The following TRANK1 variants were observed in gnomAD, a reference collection of about 807,000 sequenced individuals.
The protein encoded by TRANK1 is tetratricopeptide repeat and ankyrin repeat containing 1, also known as TPR and ankyrin repeat-containing protein 1.
A neutral mutation model predicts 266.0 loss-of-function variants in TRANK1; 198 were observed. That is an observed-to-expected ratio of 0.74 (90% confidence interval 0.66 to 0.84). The LOEUF is 0.84. TRANK1 is among the 40% of genes least tolerant of loss of function. TRANK1 has a pLI of 0.00. For missense variants in TRANK1, 3,326 were observed against 3,634.6 expected (o/e 0.92, Z 2.18); for synonymous variants, 1,396 against 1,384.1 (o/e 1.01, Z -0.19).
Position 36,833,824 on chromosome 3 carries a change from C to T in TRANK1, c.5759G>A (p.Ser1920Asn), listed in dbSNP as rs1416144467. 1.2e-6 allele frequency: 2 copies of T among 1,614,018 alleles called. No homozygotes were observed. The highest frequency in any genetic ancestry group is 1.7e-6 in the Non-Finnish European group (2 of 1,179,906). ...CATCATTTCCTTCATCTTATTTGCA[C>T]TCAGATACTTTGCTGCAGCTTCCAA... ...FYLEAAAKYL[S>N]ANKMKEMMAV... Residue 1920 changes from serine to asparagine, a missense_variant, in exon 22 of 24, where the codon AGT (serine) becomes AAT (asparagine). Ser to Asn is a conservative substitution (Grantham distance 46, BLOSUM62 1). Coordinates refer to ENST00000645898, the MANE Select transcript of TRANK1 (RefSeq NM_001329998.2).
intron 1 of TRANK1, among the ~76,000 whole-genome samples, chr3:36,938,164 GC>G (rs1431105049): frequency 1.3e-5 from 2 of 152,156 alleles, no homozygotes; most frequent in Non-Finnish European, 2.9e-5. Context: ...CCCCTTAACA[GC>G]ACTGGGAGAA....
In TRANK1 at chr3:36,855,200, G is replaced by A; in HGVS notation, c.4522C>T (p.Leu1508=). 1 of 1,612,918 alleles carries A rather than the reference G, an allele frequency of 6.2e-7. No individual in the cohort carries two copies. Among genetic ancestry groups the A allele is most frequent in the Non-Finnish European group, 8.5e-7 (1 of 1,179,004 alleles). The change falls in exon 13 of 24, where the codon CTG becomes TTG. Residue 1508 remains leucine (L), a synonymous_variant. Transcript: ENST00000645898. ...GAGTGGGACCTGTAATTCTGGTACAGCTGGTGGATCTTCTTGGGCTTCCGG... is the reference window on the plus strand; with the variant it reads ...GAGTGGGACCTGTAATTCTGGTACAACTGGTGGATCTTCTTGGGCTTCCGG... ...AVRKPKKIHQ[L]YQNYRSHSGI... is the part of the protein sequence containing the mutation.
rs558729612 is a variant in TRANK1, at chr3:36,903,068, T to A, written c.282+81A>T. 236 of 1,465,652 alleles carry A rather than the reference T, an allele frequency of 1.6e-4. 1 individual carries two copies. In the African/African-American group the frequency reaches 3.0e-3, roughly 19 times the overall value. 90.8% of individuals were successfully genotyped at this position (1,465,652 alleles called of 1,614,324 possible). The stretch of plus-strand genomic sequence containing the variant: ...CCCCAGGTGCCACTGCCCCACACTT[T>A]CTCTCATCCTTTCATACCTTCATCC... On this transcript the variant is annotated intron_variant, in intron 3 of 23. Transcript: ENST00000645898.
chr3:36,880,497 A>G, intron 8 of TRANK1: 1 of 180,074 alleles, frequency 5.6e-6, no homozygotes, highest in East Asian at 1.6e-4. Context: ...TAAATGCTTC[A>G]ATTAACTCTG....
Position 36,944,636 on chromosome 3 carries a change from G to A in TRANK1, c.23+151C>T, listed in dbSNP as rs1474445194. On this transcript the variant is annotated intron_variant, in intron 1 of 23. Coordinates refer to ENST00000645898, the MANE Select transcript of TRANK1 (RefSeq NM_001329998.2). ...CGCAACTGGCTCGGGTCTGCACCTAGATGGCTGTGGGCCCCACAGGGATGG... is the reference window on the plus strand; with the variant it reads ...CGCAACTGGCTCGGGTCTGCACCTAAATGGCTGTGGGCCCCACAGGGATGG... 12 of 906,882 alleles carry A rather than the reference G, an allele frequency of 1.3e-5. No homozygotes were observed. The South Asian group carries it at 1.4e-4, about 11-fold the overall frequency. 56.2% of individuals were successfully genotyped at this position (906,882 alleles called of 1,614,324 possible). A position where few individuals can be genotyped will look rare whatever the true frequency, so the allele number is the denominator to read the frequency against.
At position 36,898,022 on chromosome 3, in the gene TRANK1, A is replaced by T. The variant is rs2079817986; in HGVS notation, c.433+1087T>A. Among the ~76,000 whole-genome samples the T allele has an allele frequency of 3.3e-5, 5 of 152,252 alleles. No individual in the cohort carries two copies. In the South Asian group the frequency reaches 1.0e-3, roughly 31 times the overall value. On this transcript the variant is annotated intron_variant, in intron 4 of 23. Coordinates refer to ENST00000645898, the MANE Select transcript of TRANK1 (RefSeq NM_001329998.2). ...CACTTGGGTCCTCCGCTGATTCTGC[A>T]GTGCCGGGTATTGAGCTTCACAACC... is the stretch of plus-strand genomic sequence containing the variant.
Position 36,891,876 on chromosome 3 carries a change from C to G in TRANK1, c.775+326G>C, listed in dbSNP as rs531750984. 1.3e-3 allele frequency among the ~76,000 whole-genome samples: 197 copies of G among 152,262 alleles called. 1 individual carries two copies. Among genetic ancestry groups the G allele is most frequent in the African/African-American group, 4.6e-3 (191 of 41,542 alleles). On this transcript the variant is annotated intron_variant, in intron 7 of 23. Transcript: ENST00000645898. ...AGCTGCCTATGCCGGAAGGAGGAAA[C>G]TCTGCAGGTCTCCTGGGAGTGTTGC...
At chr3:36,847,913 T>C (rs1370738896) in intron 15 of TRANK1, among the ~76,000 whole-genome samples, 1 of 152,214 alleles carries the variant, frequency 6.6e-6, no homozygotes, top group Non-Finnish European at 1.5e-5. Context: ...AGAATAATAA[T>C]ACTCAACTTT....
intron 2 of TRANK1, 62 bp from the exon 3 acceptor site, chr3:36,903,337 C>T: frequency 6.7e-7 from 1 of 1,501,792 alleles, no homozygotes; most frequent in Non-Finnish European, 8.9e-7. Flanking sequence ...TCTGTGAAGT[C>T]CCCCCATTCG....
At chr3:36,904,888 G>C (rs1217463490) in intron 2 of TRANK1, among the ~76,000 whole-genome samples, 1 of 151,870 alleles carries the variant, frequency 6.6e-6, no homozygotes, top group Non-Finnish European at 1.5e-5. Context: ...TCAGCACCCT[G>C]TTCTCCAGAG....
At chr3:36,898,968 G>C in intron 4 of TRANK1, 141 bp downstream of exon 4, 3 of 869,378 alleles carry the variant, frequency 3.5e-6, no homozygotes, top group Non-Finnish European at 5.0e-6. Context: ...GCTTTCTAAT[G>C]TGTGAACTAG....
At chr3:36,830,335 C>A (rs1346864305) in intron 22 of TRANK1, among the ~76,000 whole-genome samples, 9 of 148,974 alleles carry the variant, frequency 6.0e-5, no homozygotes, top group African/African-American at 2.2e-4. Context: ...AAAAAAAAAA[C>A]GGGAAATCTG....
chr3:36,828,982 G>T (rs1330789003), intron 23 of TRANK1, among the ~76,000 whole-genome samples: 1 of 152,190 alleles, frequency 6.6e-6, no homozygotes, highest in African/African-American at 2.4e-5. Flanking sequence ...TCCTGTGGCT[G>T]GAATGGGCAA....
intron 1 of TRANK1, among the ~76,000 whole-genome samples, chr3:36,918,526 AGAAAGAAG>A (rs1362514409): frequency 1.7e-4 from 4 of 23,468 alleles, no homozygotes; most frequent in African/African-American, 5.5e-4. Context: ...AAAGAAAGAA[AGAAAGAAG>A]GAAGGAAGGA....
Position 36,874,168 on chromosome 3 carries a change from T to C in TRANK1, c.1036A>G (p.Ser346Gly). ...KNFKAIEKINSHLEKLATCSK... is the reference protein window; with the variant it reads ...KNFKAIEKINGHLEKLATCSK... ...CACGTAGCTAGCTTTTCTAAGTGAC[T>C]GTTGATTTTCTCGATGGCTTTGAAG... The change falls in exon 9 of 24, where the codon AGT becomes GGT. Residue 346 changes from serine (S) to glycine (G), a missense_variant. Ser to Gly is a moderately conservative substitution (Grantham distance 56). Coordinates refer to ENST00000645898, the MANE Select transcript of TRANK1 (RefSeq NM_001329998.2). The C allele has an allele frequency of 6.5e-7, 1 of 1,537,562 alleles. No individual in the cohort carries two copies. The highest frequency in any genetic ancestry group is 1.2e-5 in the South Asian group (1 of 84,052).
chr3:36,872,665 A>T (rs2079326578), intron 9 of TRANK1, among the ~76,000 whole-genome samples: 1 of 152,204 alleles, frequency 6.6e-6, no homozygotes, highest in Non-Finnish European at 1.5e-5. Context: ...GAATTTAAAG[A>T]TCTGGGAAGA....
At chr3:36,906,779 C>T (rs1019917179) in intron 2 of TRANK1, among the ~76,000 whole-genome samples, 5 of 152,338 alleles carry the variant, frequency 3.3e-5, no homozygotes, top group Admixed American at 2.6e-4. Context: ...CCACAAAGAA[C>T]CAGCCCTGCT....
At chr3:36,843,236 G>T (rs1202286493) in intron 17 of TRANK1, among the ~76,000 whole-genome samples, 3 of 152,126 alleles carry the variant, frequency 2.0e-5, no homozygotes, top group African/African-American at 7.2e-5. Context: ...ACATTTGTGA[G>T]GTTATTGAAA....
intron 17 of TRANK1, 56 bp downstream of exon 17, chr3:36,846,192 C>G: frequency 6.8e-7 from 1 of 1,466,402 alleles, no homozygotes; most frequent in East Asian, 2.5e-5. Context: ...ACCATAAGAA[C>G]AGTTGAGAGA....
Sources: gnomAD v4.1 joint callset for allele counts (sites outside exome capture counted in the v4.1 genomes callset) on GRCh38, gnomAD v4.1.1 for gene constraint, MANE v1.5 for transcripts, NCBI Gene and HGNC (gene_info 2026-07-23, HGNC 2026-07-21) for gene names.